The following CSMD1 variants were observed in gnomAD, a reference collection of about 807,000 sequenced individuals.
The protein encoded by CSMD1 is CUB and Sushi multiple domains 1, also known as CUB and sushi domain-containing protein 1.
CSMD1 carries 213 observed loss-of-function variants against 417.5 expected under a neutral mutation model. The ratio of observed to expected loss-of-function variants is 0.51; its 90% CI spans 0.46 to 0.57. The LOEUF (loss-of-function observed/expected upper bound fraction) is 0.57, where lower values mean the gene tolerates loss of function less well. Among genes scored for constraint, CSMD1 ranks in the 20% least tolerant of loss-of-function variants. The pLI, the probability that CSMD1 is intolerant of heterozygous loss-of-function variation, is 0.00. For synonymous variants in CSMD1, 2,862 were observed against 1,736.8 expected, an observed-to-expected ratio of 1.65 and a Z score of -16.11; for missense variants, 6,923 against 4,529.7, an observed-to-expected ratio of 1.53 and a Z score of -15.17.
chr8:4,391,348 C>G (rs1184856470), intron 3 of CSMD1, among the ~76,000 whole-genome samples: 1 of 152,146 alleles, frequency 6.6e-6, no homozygotes, highest in African/African-American at 2.4e-5. Flanking sequence ...CTGAGCTGAG[C>G]TATGGACTTG....
At chr8:4,604,265 A>C (rs1800747797) in intron 2 of CSMD1, among the ~76,000 whole-genome samples, 1 of 151,978 alleles carries the variant, frequency 6.6e-6, no homozygotes, top group African/African-American at 2.4e-5. Flanking sequence ...TAGTACAAAT[A>C]AAGGTACAAT....
At chr8:3,523,225 A>G (rs1020487009) in intron 10 of CSMD1, among the ~76,000 whole-genome samples, 3 of 152,220 alleles carry the variant, frequency 2.0e-5, no homozygotes, top group Non-Finnish European at 4.4e-5. Flanking sequence ...CATGCTATGG[A>G]TCATAGTAAG....
rs528540347 is a variant in CSMD1, at chr8:3,138,676, T to A, written c.6241+3789A>T. Among the ~76,000 whole-genome samples the A allele has an allele frequency of 6.4e-4, 97 of 152,178 alleles. 1 individual carries two copies. The highest frequency in any genetic ancestry group is 1.1e-3 in the Non-Finnish European group (76 of 68,028). Reference sequence around the variant, plus strand: ...AGTGGAGATGGAAAGCATTGCAGGCTGAGATTGCTACACGTGCAAGAGCTC... The same window carrying A: ...AGTGGAGATGGAAAGCATTGCAGGCAGAGATTGCTACACGTGCAAGAGCTC... On this transcript the variant is annotated intron_variant, in intron 41 of 69. Transcript: ENST00000635120.
At chr8:4,091,712 A>T (rs1365583229) in intron 3 of CSMD1, among the ~76,000 whole-genome samples, 2 of 152,212 alleles carry the variant, frequency 1.3e-5, no homozygotes, top group Non-Finnish European at 2.9e-5. Context: ...TGATAAAGGC[A>T]CAAGCCTCGC....
chr8:4,200,502 A>G (rs193031266), intron 3 of CSMD1, among the ~76,000 whole-genome samples: 20 of 152,352 alleles, frequency 1.3e-4, no homozygotes, highest in African/African-American at 4.6e-4. Context: ...ACTTAGGTAA[A>G]AAATGAGAAA....
At chr8:4,752,452 C>T (rs748725757) in intron 1 of CSMD1, among the ~76,000 whole-genome samples, 15 of 152,118 alleles carry the variant, frequency 9.9e-5, no homozygotes, top group Non-Finnish European at 2.1e-4. Flanking sequence ...ACCTTAGGTA[C>T]TACCTCGGGT....
At chr8:3,606,638 A>G (rs1400273082) in intron 8 of CSMD1, among the ~76,000 whole-genome samples, 2 of 152,050 alleles carry the variant, frequency 1.3e-5, no homozygotes, top group African/African-American at 4.8e-5. Context: ...TTGGGCCACT[A>G]TAAATTTATT....
At position 4,713,295 on chromosome 8, in the gene CSMD1, A is replaced by C. The variant is rs541606465; in HGVS notation, c.86-75737T>G. On this transcript the variant is annotated intron_variant, in intron 1 of 69. Coordinates refer to ENST00000635120, the MANE Select transcript of CSMD1 (RefSeq NM_033225.6). ...GAGTGTAGTTTAAGTTGGTTTTTGG[A>C]AACCTGGGATGCTTAAAGACCCATC... Among the ~76,000 whole-genome samples, 424 of 152,326 alleles carry C rather than the reference A, an allele frequency of 2.8e-3. 5 individuals are homozygous for C. Among genetic ancestry groups the C allele is most frequent in the African/African-American group, 9.9e-3 (410 of 41,576 alleles).
chr8:3,275,850 T>C (rs914543097), intron 26 of CSMD1, among the ~76,000 whole-genome samples: 6 of 152,234 alleles, frequency 3.9e-5, no homozygotes, highest in South Asian at 2.1e-4. Context: ...TTCATAGTTT[T>C]CAACTTCTTT....
Position 4,784,549 on chromosome 8 carries a change from G to C in CSMD1, c.86-146991C>G, listed in dbSNP as rs1352438203. ...AGACCCTTTAGTGTTTTAAGATTTA[G>C]TTTTTTCTACCTGACACAATTTGTT... On this transcript the variant is annotated intron_variant, in intron 1 of 69. Transcript: ENST00000635120. 2.6e-5 allele frequency among the ~76,000 whole-genome samples: 4 copies of C among 152,120 alleles called. No individual in the cohort carries two copies. In the South Asian group the frequency reaches 6.2e-4, roughly 24 times the overall value.
At chr8:3,257,829 C>G (rs1800773704) in intron 26 of CSMD1, among the ~76,000 whole-genome samples, 1 of 152,046 alleles carries the variant, frequency 6.6e-6, no homozygotes, top group Admixed American at 6.6e-5. Context: ...GGGAGAATTG[C>G]AGGCAGCTGC....
rs148759050 is a variant in CSMD1 at position 3,714,200 on chromosome 8, A to G, written c.932-5709T>C. Among the ~76,000 whole-genome samples, 587 of 150,816 alleles carry G rather than the reference A, an allele frequency of 3.9e-3. 7 individuals are homozygous for G. Among genetic ancestry groups the G allele is most frequent in the African/African-American group, 0.013 (550 of 41,282 alleles). On this transcript the variant is annotated intron_variant, in intron 6 of 69. Transcript: ENST00000635120. ...TATATGTATATAATAAGCTCCATATATAACATATAAATGAATCTATTAAGC... is the reference window on the plus strand; with the variant it reads ...TATATGTATATAATAAGCTCCATATGTAACATATAAATGAATCTATTAAGC...
intron 5 of CSMD1, among the ~76,000 whole-genome samples, chr8:3,904,601 T>A (rs558589459): frequency 4.0e-4 from 61 of 152,098 alleles, no homozygotes; most frequent in African/African-American, 1.3e-3. Context: ...ATATATTTTT[T>A]ATTTCCTTTT....
At chr8:4,516,805 A>C (rs141397199) in intron 2 of CSMD1, among the ~76,000 whole-genome samples, 1 of 152,244 alleles carries the variant, frequency 6.6e-6, no homozygotes, top group East Asian at 1.9e-4. Context: ...CCCAGGAGGT[A>C]TTTATTAAAT....
chr8:3,841,833 T>C (rs1331026129), intron 5 of CSMD1, among the ~76,000 whole-genome samples: 2 of 151,940 alleles, frequency 1.3e-5, no homozygotes, highest in Admixed American at 6.6e-5. Flanking sequence ...CACCGAGACT[T>C]TGCATCAAGC....
At chr8:3,727,766 C>G (rs955335109) in intron 6 of CSMD1, among the ~76,000 whole-genome samples, 1 of 152,070 alleles carries the variant, frequency 6.6e-6, no homozygotes. Context: ...ACCATATAAT[C>G]GGTTATAATT....
At chr8:4,212,463 T>G (rs937369900) in intron 3 of CSMD1, among the ~76,000 whole-genome samples, 8 of 152,132 alleles carry the variant, frequency 5.3e-5, no homozygotes, top group African/African-American at 1.9e-4. Context: ...GTACTTAACA[T>G]TTGTCCTTTC....
At chr8:4,120,343 G>C (rs970871015) in intron 3 of CSMD1, among the ~76,000 whole-genome samples, 15 of 151,836 alleles carry the variant, frequency 9.9e-5, no homozygotes, top group Non-Finnish European at 1.9e-4. Context: ...TATAAGATAA[G>C]ATTATTTTAT....
chr8:4,738,531 C>T (rs1034178384), intron 1 of CSMD1, among the ~76,000 whole-genome samples: 2 of 152,024 alleles, frequency 1.3e-5, no homozygotes, highest in Non-Finnish European at 2.9e-5. Flanking sequence ...ATCCACCTGG[C>T]CACTCCCATA....
Sources: gnomAD v4.1 joint callset for allele counts (sites outside exome capture counted in the v4.1 genomes callset) on GRCh38, gnomAD v4.1.1 for gene constraint, MANE v1.5 for transcripts, NCBI Gene and HGNC (gene_info 2026-07-23, HGNC 2026-07-21) for gene names.